Variants in DND1 observed in about 807,000 individuals in gnomAD.
DND1 encodes the protein dead end protein homolog 1.
A neutral mutation model predicts 30.4 loss-of-function variants in DND1; 6 were observed. The ratio of observed to expected loss-of-function variants is 0.20; its 90% CI spans 0.11 to 0.39. The LOEUF (loss-of-function observed/expected upper bound fraction) is 0.39, where lower values mean the gene tolerates loss of function less well. DND1 is among the 10% of genes least tolerant of loss of function. The probability of loss-of-function intolerance (pLI) is 1.00; values close to 1 mark genes in which losing one functional copy is unlikely to be tolerated. For synonymous variants in DND1, 178 were observed against 210.4 expected (o/e 0.85, Z 1.33); for missense variants, 358 against 474.9 (o/e 0.75, Z 2.29).
chr5:140,672,328 A>C, intron 3 of DND1, 117 bp downstream of exon 3: 3 of 1,115,844 alleles, frequency 2.7e-6, no homozygotes, highest in Non-Finnish European at 3.8e-6. Flanking sequence ...AAATAGTAAA[A>C]GGTTGCAAAT....
In DND1 at chr5:140,671,324, C is replaced by G. The variant is rs1208013123; in HGVS notation, c.1031G>C (p.Gly344Ala). ...ESGANLLWSA[G>A]AEAGTMVKQ ...TTTAACCATGGTACCTGCCTCAGCC[C>G]CAGCAGACCACAGGAGGTTGGCCCC... Residue 344 changes from glycine to alanine, a missense_variant, in exon 4 of 4, where the codon GGG becomes GCG. Gly to Ala is a moderately conservative substitution (Grantham distance 60). This residue lies in a region of DND1 where 176 missense variants were observed against 235.2 expected (regional missense o/e 0.75). Transcript: ENST00000542735. 1 of 1,612,898 alleles carries G rather than the reference C, an allele frequency of 6.2e-7. No individual in the cohort carries two copies. Among genetic ancestry groups the G allele is most frequent in the Admixed American group, 1.7e-5 (1 of 60,024 alleles).
At chr5:140,671,775 G>A in intron 3 of DND1, 25 bp from the exon 4 acceptor site, 1 of 1,555,174 alleles carries the variant, frequency 6.4e-7, no homozygotes, top group Non-Finnish European at 8.7e-7. Flanking sequence ...CAAAGACAAG[G>A]GCAGGTCTAA....
At chr5:140,673,030 AC>A in intron 2 of DND1, 124 bp from the exon 3 acceptor site, 2 of 1,182,424 alleles carry the variant, frequency 1.7e-6, no homozygotes, top group Non-Finnish European at 2.4e-6. Context: ...TTACACCCGT[AC>A]CCTGGGTGGT....
chr5:140,673,502 A>G lies in DND1; in HGVS notation c.24+17T>C, dbSNP rs1335998716. The G allele has an allele frequency of 1.2e-6, 2 of 1,602,618 alleles. No individual in the cohort carries two copies. Among genetic ancestry groups the G allele is most frequent in the Non-Finnish European group, 1.7e-6 (2 of 1,174,392 alleles). ...CTCCGGCGGGGCTCGCCGGCCCCCA[A>G]GTCGCCAGCCGCTTACCTCACAATC... On this transcript the variant is annotated intron_variant, in intron 1 of 3. Coordinates refer to ENST00000542735, the MANE Select transcript of DND1 (RefSeq NM_194249.3).
In DND1 at chr5:140,671,809, G is replaced by T. The variant is rs73271573; in HGVS notation, c.605-59C>A. The T allele has an allele frequency of 3.8e-3, 5,831 of 1,532,892 alleles. 210 individuals are homozygous for T. In the African/African-American group the frequency reaches 0.072, roughly 19 times the overall value. 95.0% of individuals were successfully genotyped at this position (1,532,892 alleles called of 1,614,324 possible). On this transcript the variant is annotated intron_variant, in intron 3 of 3. Coordinates refer to ENST00000542735, the MANE Select transcript of DND1 (RefSeq NM_194249.3). ...AAACCCTGGGCCCAAGCCTCCAGGT[G>T]GTGAGCCCTTTGGAGCTACACAGTC...
chr5:140,672,107 G>A, intron 3 of DND1: 1 of 544,974 alleles, frequency 1.8e-6, no homozygotes, highest in South Asian at 2.1e-5. Context: ...TGAGGAAACA[G>A]ATTCTATAGT....
chr5:140,671,739 G>A lies in DND1; in HGVS notation c.616C>T (p.Leu206Phe), dbSNP rs1291717417. ...KKALVEGQSH[L>F]CGEQVAVEWL... ...TCCACAGCCACCTGCTCTCCACAGAGGTGTGACTGCCCTGTAGGAAAAATG... is the reference window on the plus strand; with the variant it reads ...TCCACAGCCACCTGCTCTCCACAGAAGTGTGACTGCCCTGTAGGAAAAATG... Residue 206 changes from leucine (L) to phenylalanine (F), a missense_variant, in exon 4 of 4, where the codon CTC becomes TTC. Around this residue, in one of 3 missense-constraint regions of DND1, gnomAD observed 176 missense variants for 235.2 expected, o/e 0.75. Transcript: ENST00000542735. The A allele has an allele frequency of 5.7e-6, 9 of 1,573,886 alleles. No individual in the cohort carries two copies. The highest frequency in any genetic ancestry group is 7.8e-6 in the Non-Finnish European group (9 of 1,158,944).
Position 140,672,546 on chromosome 5 carries a change from G to C in DND1, c.503C>G (p.Ala168Gly). Residue 168 changes from alanine (A) to glycine (G), a missense_variant, in exon 3 of 4, where the codon GCG becomes GGG. Ala to Gly is a moderately conservative substitution (Grantham distance 60). Around this residue, in one of 3 missense-constraint regions of DND1, gnomAD observed 62 missense variants for 40.6 expected, o/e 1.53. Transcript: ENST00000542735. The part of the protein sequence containing the change: ...LQPLGPGLQE[A>G]RLLPSPGPAP... ...CGGTCCGGGGCTGGGCAGCAGCCGC[G>C]CCTCCTGCAAGCCGGGACCCAGCGG... The C allele has an allele frequency of 6.3e-7, 1 of 1,588,718 alleles. No homozygotes were observed. The highest frequency in any genetic ancestry group is 8.5e-7 in the Non-Finnish European group (1 of 1,172,444).
chr5:140,671,331 A>G lies in DND1; in HGVS notation c.1024T>C (p.Ser342Pro). 6.2e-7 allele frequency: 1 copy of G among 1,612,934 alleles called. No individual in the cohort carries two copies. The highest frequency in any genetic ancestry group is 1.7e-5 in the Admixed American group (1 of 60,028). ...ATGGTACCTGCCTCAGCCCCAGCAG[A>G]CCACAGGAGGTTGGCCCCAGACTCA... is the stretch of plus-strand genomic sequence containing the variant. The part of the protein sequence containing the change: ...LSESGANLLW[S>P]AGAEAGTMVK... Residue 342 changes from serine (S) to proline (P), a missense_variant, in exon 4 of 4, where the codon TCT becomes CCT. Transcript: ENST00000542735.
chr5:140,671,781 TC>T, intron 3 of DND1, 31 bp from the exon 4 acceptor site: 1 of 1,553,354 alleles, frequency 6.4e-7, no homozygotes, highest in Non-Finnish European at 8.7e-7. Context: ...CAAGGGCAGG[TC>T]TAAACCCTGG....
intron 1 of DND1, 48 bp from the exon 2 acceptor site, chr5:140,673,436 C>T (rs751098806): frequency 6.2e-7 from 1 of 1,613,812 alleles, no homozygotes; most frequent in Non-Finnish European, 8.5e-7. Flanking sequence ...AGCGCGCCCC[C>T]ACCTCTCCTG....
At position 140,671,697 on chromosome 5, in the gene DND1, G is replaced by C. The variant is rs867899860; in HGVS notation, c.658C>G (p.Leu220Val). 1.9e-6 allele frequency: 3 copies of C among 1,585,098 alleles called. No homozygotes were observed. The highest frequency in any genetic ancestry group is 4.6e-5 in the East Asian group (2 of 43,948). Reference protein sequence around the residue: ...QVAVEWLKPDLKQRLRQQLVG... With the variant: ...QVAVEWLKPDVKQRLRQQLVG... ...AGCTGCTGGCGAAGTCGCTGCTTCA[G>C]GTCTGGCTTGAGCCACTCCACAGCC... Residue 220 changes from leucine (L) to valine (V), a missense_variant, in exon 4 of 4, where the codon CTG (leucine) becomes GTG (valine). This residue lies in a region of DND1 where 176 missense variants were observed against 235.2 expected (regional missense o/e 0.75). Coordinates refer to ENST00000542735, the MANE Select transcript of DND1 (RefSeq NM_194249.3).
rs141183092 is a variant in DND1 at position 140,671,335 on chromosome 5, C to T, written c.1020G>A (p.Leu340=). The T allele has an allele frequency of 6.2e-7, 1 of 1,612,780 alleles. No homozygotes were observed. Among genetic ancestry groups the T allele is most frequent in the African/African-American group, 1.3e-5 (1 of 74,936 alleles). ...QALSESGANL[L]WSAGAEAGTM... ...TACCTGCCTCAGCCCCAGCAGACCA[C>T]AGGAGGTTGGCCCCAGACTCACTGA... Residue 340 remains leucine (L), a synonymous_variant, in exon 4 of 4, where the codon CTG becomes CTA. Coordinates refer to ENST00000542735, the MANE Select transcript of DND1 (RefSeq NM_194249.3).
Position 140,673,534 on chromosome 5 carries a change from G to A in DND1, c.9C>T (p.Ser3=). The change falls in exon 1 of 4, where the codon TCC becomes TCT. Residue 3 remains serine (S), a synonymous_variant. Transcript: ENST00000542735. MQ[S]KRDCELWCER... is the part of the protein sequence containing the mutation. Reference sequence around the variant, plus strand: ...AGCCGCTTACCTCACAATCCCGCTTGGACTGCATGGCTCTCCAGCTGGCCC... The same window carrying A: ...AGCCGCTTACCTCACAATCCCGCTTAGACTGCATGGCTCTCCAGCTGGCCC... The A allele has an allele frequency of 7.6e-6, 12 of 1,584,616 alleles. No homozygotes were observed. The highest frequency in any genetic ancestry group is 1.0e-5 in the Non-Finnish European group (12 of 1,164,842).
rs73271574 is a variant in DND1 at position 140,672,051 on chromosome 5, G to A, written c.605-301C>T. The A allele has an allele frequency of 1.5e-3, 875 of 567,238 alleles. 2 individuals are homozygous for A. Among genetic ancestry groups the A allele is most frequent in the African/African-American group, 0.015 (814 of 53,370 alleles). The allele number at this position is 567,238 out of a possible 1,614,324, so 35.1% of individuals were successfully genotyped here. Reference sequence around the variant, plus strand: ...AAACTTGCTGTAAGTCAGTCAGTGTGCTAAGTACCGTACACCCATTATGTT... The same window carrying A: ...AAACTTGCTGTAAGTCAGTCAGTGTACTAAGTACCGTACACCCATTATGTT... On this transcript the variant is annotated intron_variant, in intron 3 of 3. Coordinates refer to ENST00000542735, the MANE Select transcript of DND1 (RefSeq NM_194249.3).
rs938252548 is a variant in DND1, at chr5:140,671,154, C to T, written c.*139G>A. ...CCCCAGGTGCCATAGGTCCCTGTCCCAGCAGGGAGGCTGATGGGCCTGGGC... is the reference window on the plus strand; with the variant it reads ...CCCCAGGTGCCATAGGTCCCTGTCCTAGCAGGGAGGCTGATGGGCCTGGGC... On this transcript the variant is annotated 3_prime_UTR_variant, in exon 4 of 4. Transcript: ENST00000542735. 1 of 1,112,484 alleles carries T rather than the reference C, an allele frequency of 9.0e-7. No individual in the cohort carries two copies. Among genetic ancestry groups the T allele is most frequent in the African/African-American group, 1.6e-5 (1 of 64,120 alleles). 68.9% of individuals were successfully genotyped at this position (1,112,484 alleles called of 1,614,324 possible). A position where few individuals can be genotyped will look rare whatever the true frequency, so the allele number is the denominator to read the frequency against.
In DND1 at chr5:140,671,687, C is replaced by T. The variant is rs146619681; in HGVS notation, c.668G>A (p.Arg223Gln). ...GGGACCCACAAGCTGCTGGCGAAGT[C>T]GCTGCTTCAGGTCTGGCTTGAGCCA... Reference protein sequence around the residue: ...VEWLKPDLKQRLRQQLVGPFL... With the variant: ...VEWLKPDLKQQLRQQLVGPFL... The change falls in exon 4 of 4, where the codon CGA becomes CAA. Residue 223 changes from arginine (R) to glutamine (Q), a missense_variant. Physicochemically the swap from Arg to Gln is conservative, Grantham distance 43 (BLOSUM62 1). This residue lies in a region of DND1 where 176 missense variants were observed against 235.2 expected (regional missense o/e 0.75). Coordinates refer to ENST00000542735, the MANE Select transcript of DND1 (RefSeq NM_194249.3). 9.1e-5 allele frequency: 145 copies of T among 1,585,060 alleles called. No individual in the cohort carries two copies. The highest frequency in any genetic ancestry group is 1.1e-4 in the Non-Finnish European group (128 of 1,165,560).
Position 140,672,789 on chromosome 5 carries a change from A to C in DND1, c.260T>G (p.Phe87Cys). 1 of 1,585,314 alleles carries C rather than the reference A, an allele frequency of 6.3e-7. No individual in the cohort carries two copies. Among genetic ancestry groups the C allele is most frequent in the Non-Finnish European group, 8.5e-7 (1 of 1,172,718 alleles). Reference sequence around the variant, plus strand: ...GCCGCTGAAGGTCATCATCAGGCGGAACTCGTAGAGGCGGCCCACGCGCTG... The same window carrying C: ...GCCGCTGAAGGTCATCATCAGGCGGCACTCGTAGAGGCGGCCCACGCGCTG... ...LFQRVGRLYE[F>C]RLMMTFSGLN... Residue 87 changes from phenylalanine (F) to cysteine (C), a missense_variant, in exon 3 of 4, where the codon TTC becomes TGC. By Grantham distance (205) the Phe-to-Cys change is radical (BLOSUM62 -2). Coordinates refer to ENST00000542735, the MANE Select transcript of DND1 (RefSeq NM_194249.3).
chr5:140,673,508 C>T lies in DND1; in HGVS notation c.24+11G>A, dbSNP rs1402604608. 4 of 1,598,088 alleles carry T rather than the reference C, an allele frequency of 2.5e-6. No individual in the cohort carries two copies. Among genetic ancestry groups the T allele is most frequent in the Non-Finnish European group, 8.5e-7 (1 of 1,172,098 alleles). On this transcript the variant is annotated intron_variant, in intron 1 of 3. Coordinates refer to ENST00000542735, the MANE Select transcript of DND1 (RefSeq NM_194249.3). ...CGGGGCTCGCCGGCCCCCAAGTCGCCAGCCGCTTACCTCACAATCCCGCTT... is the reference window on the plus strand; with the variant it reads ...CGGGGCTCGCCGGCCCCCAAGTCGCTAGCCGCTTACCTCACAATCCCGCTT...
Sources: allele counts gnomAD v4.1 joint callset, GRCh38; gene constraint gnomAD v4.1.1; regional missense constraint gnomAD v4.1.1; transcripts MANE v1.5; gene names NCBI Gene and HGNC (gene_info 2026-07-23, HGNC 2026-07-21).